The following ATAD2B variants were observed in gnomAD, a reference collection of about 807,000 sequenced individuals.
The protein encoded by ATAD2B is ATPase family AAA domain-containing protein 2B.
A neutral mutation model predicts 167.6 loss-of-function variants in ATAD2B; 40 were observed. The ratio of observed to expected loss-of-function variants is 0.24; its 90% CI spans 0.19 to 0.31. The LOEUF (loss-of-function observed/expected upper bound fraction) is 0.31, where lower values mean the gene tolerates loss of function less well. Among genes scored for constraint, ATAD2B ranks in the 10% least tolerant of loss-of-function variants. The pLI is 1.00. For missense variants in ATAD2B, 1,242 were observed against 1,757.2 expected, an observed-to-expected ratio of 0.71 and a Z score of 5.24; for synonymous variants, 579 against 596.5, an observed-to-expected ratio of 0.97 and a Z score of 0.43.
At chr2:23,814,711 G>C (rs1345184102) in intron 17 of ATAD2B, among the ~76,000 whole-genome samples, 1 of 152,086 alleles carries the variant, frequency 6.6e-6, no homozygotes. Context: ...GAAAAAAGAA[G>C]GTAAGTTAGA....
chr2:23,707,609 A>G, the ATAD2B span: 2 of 152,276 alleles, frequency 1.3e-5, no homozygotes, highest in African/African-American at 4.8e-5. Flanking sequence ...CCAAGGAAGA[A>G]GAGTCTGCTC....
At chr2:23,729,420 T>C in the ATAD2B span, among the ~76,000 whole-genome samples, 1 of 151,998 alleles carries the variant, frequency 6.6e-6, no homozygotes, top group Non-Finnish European at 1.5e-5. Context: ...CATAAGGAAG[T>C]CCCCCTCTGT....
At chr2:23,713,301 A>T in the ATAD2B span, among the ~76,000 whole-genome samples, 1 of 151,992 alleles carries the variant, frequency 6.6e-6, no homozygotes, top group Admixed American at 6.6e-5. Flanking sequence ...AGGCTCTTCA[A>T]TTCACCCCCT....
At chr2:23,877,593 G>A (rs975685305) in intron 7 of ATAD2B, among the ~76,000 whole-genome samples, 15 of 147,104 alleles carry the variant, frequency 1.0e-4, no homozygotes, top group East Asian at 2.0e-4. Flanking sequence ...AGGGCGGGCC[G>A]GGCACTGTGG....
chr2:23,885,311 T>A, intron 5 of ATAD2B, among the ~76,000 whole-genome samples: 1 of 152,202 alleles, frequency 6.6e-6, no homozygotes, highest in East Asian at 1.9e-4. Flanking sequence ...CATCAGTCAC[T>A]AACTAGAAAT....
chr2:23,796,862 T>C (rs1236293159), intron 19 of ATAD2B, among the ~76,000 whole-genome samples: 1 of 152,170 alleles, frequency 6.6e-6, no homozygotes, highest in African/African-American at 2.4e-5. Context: ...AATGAAGCAA[T>C]TATACGTTCA....
intron 18 of ATAD2B, among the ~76,000 whole-genome samples, chr2:23,805,105 T>C (rs549695286): frequency 2.0e-5 from 3 of 150,884 alleles, no homozygotes; most frequent in African/African-American, 7.3e-5. Context: ...ATCACGCTAT[T>C]GTACTCCAGC....
At chr2:23,698,126 A>C in the ATAD2B span, among the ~76,000 whole-genome samples, 1 of 152,238 alleles carries the variant, frequency 6.6e-6, no homozygotes, top group Non-Finnish European at 1.5e-5. Context: ...GGTTGCCTGT[A>C]TGGGCCTTCC....
At chr2:23,692,380 G>C in the ATAD2B span, among the ~76,000 whole-genome samples, 9 of 152,250 alleles carry the variant, frequency 5.9e-5, no homozygotes, top group Non-Finnish European at 1.2e-4. Context: ...CTCCCGGGGG[G>C]GTCGCTGACC....
At chr2:23,812,375 T>C (rs575176366) in intron 17 of ATAD2B, among the ~76,000 whole-genome samples, 3 of 146,534 alleles carry the variant, frequency 2.0e-5, no homozygotes, top group African/African-American at 7.5e-5. Context: ...AAGAAAAGAG[T>C]GAAACTGAGC....
At chr2:23,892,455 C>T (rs181475164) in intron 2 of ATAD2B, among the ~76,000 whole-genome samples, 3,359 of 151,090 alleles carry the variant, frequency 0.022, 134 homozygotes, top group African/African-American at 0.077. Flanking sequence ...TGAGCCACTG[C>T]GCCCGGTTTT....
At chr2:23,881,568 G>A (rs1185861980) in intron 6 of ATAD2B, among the ~76,000 whole-genome samples, 4 of 151,244 alleles carry the variant, frequency 2.6e-5, no homozygotes, top group African/African-American at 9.7e-5. Context: ...TCACCATATT[G>A]GCCAAGATGG....
chr2:23,920,645 G>A (rs1480207488), intron 1 of ATAD2B, among the ~76,000 whole-genome samples: 2 of 152,014 alleles, frequency 1.3e-5, no homozygotes, highest in Non-Finnish European at 2.9e-5. Flanking sequence ...ATAGTTAGAG[G>A]AGAAAGACTT....
At chr2:23,858,746 G>GT (rs767527346) in intron 12 of ATAD2B, among the ~76,000 whole-genome samples, 5 of 152,092 alleles carry the variant, frequency 3.3e-5, no homozygotes, top group Non-Finnish European at 5.9e-5. Context: ...GCCTGCCAAT[G>GT]TGCTGGGATT....
At chr2:23,756,702 G>A (rs2149305807) in intron 25 of ATAD2B, among the ~76,000 whole-genome samples, 1 of 152,248 alleles carries the variant, frequency 6.6e-6, no homozygotes, top group Admixed American at 6.5e-5. Context: ...AGGTAAACTT[G>A]ACAATGATTG....
At chr2:23,783,104 C>A in intron 21 of ATAD2B, 76 bp from the exon 22 acceptor site, 1 of 753,468 alleles carries the variant, frequency 1.3e-6, no homozygotes, top group East Asian at 3.0e-5. Flanking sequence ...AAAATAAAAA[C>A]AAAGTTCTTT....
chr2:23,889,912 C>G (rs1219304819), intron 2 of ATAD2B, among the ~76,000 whole-genome samples: 1 of 151,188 alleles, frequency 6.6e-6, no homozygotes, highest in Non-Finnish European at 1.5e-5. Flanking sequence ...GAGCAAGGCT[C>G]CATCTAAAAA....
At chr2:23,772,162 T>C (rs1368990575) in intron 22 of ATAD2B, among the ~76,000 whole-genome samples, 3 of 151,570 alleles carry the variant, frequency 2.0e-5, no homozygotes. Context: ...TGTGAGGGGG[T>C]AAATAAATCG....
At chr2:23,696,197 T>A in the ATAD2B span, 1 of 1,511,502 alleles carries the variant, frequency 6.6e-7, no homozygotes, top group Non-Finnish European at 8.9e-7. This position sits in a 1 kb window ranked among gnomAD's most constrained non-coding sequence, Gnocchi z 5.5. Context: ...GCTCCCCACG[T>A]CAGGGCTGAG....
Sources: gnomAD v4.1 joint callset for allele counts (sites outside exome capture counted in the v4.1 genomes callset) on GRCh38, gnomAD v4.1.1 for gene constraint, Gnocchi (gnomAD v3.1) non-coding constraint, MANE v1.5 for transcripts, NCBI Gene and HGNC (gene_info 2026-07-23, HGNC 2026-07-21) for gene names.